C1orf146: variants seen among roughly 807,000 people sequenced by gnomAD.
C1orf146 encodes chromosome 1 open reading frame 146.
Under a neutral mutation model 23.0 loss-of-function variants are expected in C1orf146, and 22 were observed. The ratio of observed to expected loss-of-function variants is 0.96; its 90% CI spans 0.68 to 1.36. C1orf146 has a LOEUF of 1.36. Among genes scored for constraint, C1orf146 ranks in the 40% most tolerant of loss-of-function variants. The pLI, the probability that C1orf146 is intolerant of heterozygous loss-of-function variation, is 0.00. For missense variants in C1orf146, 199 were observed against 206.8 expected (o/e 0.96, Z 0.23); for synonymous variants, 59 against 65.3 (o/e 0.90, Z 0.47).
At chr1:92,227,911 C>G (rs1570788352) in intron 1 of C1orf146, among the ~76,000 whole-genome samples, 2 of 151,814 alleles carry the variant, frequency 1.3e-5, no homozygotes, top group African/African-American at 4.8e-5. Flanking sequence ...GCTCTTGAAC[C>G]TACAACTTGA....
intron 3 of C1orf146, among the ~76,000 whole-genome samples, chr1:92,243,349 CTTTT>C (rs1268188118): frequency 2.0e-5 from 3 of 151,826 alleles, no homozygotes; most frequent in African/African-American, 7.3e-5. Flanking sequence ...TTATATAATT[CTTTT>C]TTTTATTTTT....
chr1:92,238,496 T>C (rs1478569495), intron 2 of C1orf146, among the ~76,000 whole-genome samples: 5 of 152,226 alleles, frequency 3.3e-5, no homozygotes, highest in Non-Finnish European at 5.9e-5. Flanking sequence ...ATAGGACTAA[T>C]ATTCTATGAA....
intron 1 of C1orf146, chr1:92,229,150 C>T: frequency 3.8e-6 from 2 of 524,194 alleles, no homozygotes; most frequent in Non-Finnish European, 7.6e-6. Context: ...TCTCGGGGTG[C>T]AATGATCTTG....
At chr1:92,237,094 C>T (rs1474404892) in intron 2 of C1orf146, among the ~76,000 whole-genome samples, 1 of 152,162 alleles carries the variant, frequency 6.6e-6, no homozygotes, top group Non-Finnish European at 1.5e-5. Context: ...CTGAAGCCTT[C>T]TTCTCTCAAC....
At chr1:92,234,817 A>G (rs1394202925) in intron 2 of C1orf146, among the ~76,000 whole-genome samples, 3 of 152,132 alleles carry the variant, frequency 2.0e-5, no homozygotes, top group Non-Finnish European at 2.9e-5. Flanking sequence ...CAGAGATTCA[A>G]CTTCTTCCTG....
At chr1:92,229,203 A>G in intron 1 of C1orf146, 2 of 543,824 alleles carry the variant, frequency 3.7e-6, no homozygotes, top group Non-Finnish European at 7.4e-6. Context: ...TGCCTTCTGC[A>G]TCCTGTTGGT....
intron 5 of C1orf146, among the ~76,000 whole-genome samples, chr1:92,245,268 A>G (rs1034119035): frequency 6.6e-6 from 1 of 152,144 alleles, no homozygotes; most frequent in African/African-American, 2.4e-5. Context: ...CCAACCCCCT[A>G]GGCAGACTTA....
At chr1:92,242,442 A>AG (rs1652454486) in intron 3 of C1orf146, 137 bp downstream of exon 3, 2 of 325,042 alleles carry the variant, frequency 6.2e-6, no homozygotes, top group African/African-American at 1.7e-4. Context: ...TTACTACTAC[A>AG]AACAGTCCAT....
Position 92,221,636 on chromosome 1 carries a change from C to A in C1orf146, c.-40+3588C>A, listed in dbSNP as rs1651819660. 2.0e-5 allele frequency among the ~76,000 whole-genome samples: 3 copies of A among 152,152 alleles called. No homozygotes were observed. The South Asian group carries it at 6.2e-4, about 32-fold the overall frequency. On this transcript the variant is annotated intron_variant, in intron 1 of 5. Transcript: ENST00000370375. ...TTGGAAAATAATTGGGATGTGGTAA[C>A]TTCTGGGACCTTTTTCAGTGAATAT...
At chr1:92,226,370 G>A (rs77393760) in intron 1 of C1orf146, among the ~76,000 whole-genome samples, 2,111 of 151,268 alleles carry the variant, frequency 0.014, 51 homozygotes, top group African/African-American at 0.048. Flanking sequence ...ATTTCCTCCC[G>A]ATATACTCAC....
chr1:92,228,120 T>C (rs1025067320), intron 1 of C1orf146, among the ~76,000 whole-genome samples: 4 of 152,230 alleles, frequency 2.6e-5, no homozygotes, highest in African/African-American at 9.6e-5. Flanking sequence ...GTCTGGATAT[T>C]TTCCTCTGAC....
At chr1:92,220,743 TCTAA>T (rs2100724038) in intron 1 of C1orf146, among the ~76,000 whole-genome samples, 1 of 152,346 alleles carries the variant, frequency 6.6e-6, no homozygotes, top group African/African-American at 2.4e-5. Flanking sequence ...GACCGCCAAT[TCTAA>T]CTATGGACCA....
chr1:92,235,653 C>T (rs960271010), intron 2 of C1orf146, among the ~76,000 whole-genome samples: 4 of 151,972 alleles, frequency 2.6e-5, no homozygotes, highest in South Asian at 2.1e-4. Flanking sequence ...GAGTTCAATT[C>T]CTGGGTATCC....
intron 2 of C1orf146, among the ~76,000 whole-genome samples, chr1:92,233,632 T>TC (rs1652190785): frequency 6.6e-6 from 1 of 152,184 alleles, no homozygotes; most frequent in Non-Finnish European, 1.5e-5. Flanking sequence ...AGTAGTTTTT[T>TC]CCAATTCTGT....
chr1:92,232,670 T>C (rs1045328071), intron 2 of C1orf146, among the ~76,000 whole-genome samples: 11 of 151,900 alleles, frequency 7.2e-5, no homozygotes, highest in Admixed American at 5.2e-4. Context: ...TCTAGATCCC[T>C]GAGGAATCAC....
At chr1:92,236,435 C>T (rs2100742677) in intron 2 of C1orf146, among the ~76,000 whole-genome samples, 1 of 152,216 alleles carries the variant, frequency 6.6e-6, no homozygotes, top group Middle Eastern at 3.4e-3. Flanking sequence ...CGAATATTGG[C>T]CCCCACTCTC....
chr1:92,222,383 C>A (rs2100725856), intron 1 of C1orf146, among the ~76,000 whole-genome samples: 1 of 122,848 alleles, frequency 8.1e-6, no homozygotes, highest in Non-Finnish European at 1.7e-5. Flanking sequence ...ACATATATAA[C>A]ATGCATGTAT....
chr1:92,233,019 AGAT>A (rs1261813221), intron 2 of C1orf146, among the ~76,000 whole-genome samples: 2 of 152,130 alleles, frequency 1.3e-5, no homozygotes, highest in Non-Finnish European at 2.9e-5. Flanking sequence ...GCCCTTTGTC[AGAT>A]GAGTAGGTTG....
chr1:92,244,888 CACAT>C (rs1434805481), intron 5 of C1orf146, 31 bp downstream of exon 5: 6 of 1,263,668 alleles, frequency 4.7e-6, no homozygotes, highest in East Asian at 2.3e-5. Context: ...GACACATACA[CACAT>C]ACATTTTAAG....
Sources: allele counts gnomAD v4.1 joint callset (sites outside exome capture counted in the v4.1 genomes callset), GRCh38; gene constraint gnomAD v4.1.1; transcripts MANE v1.5; gene names NCBI Gene and HGNC (gene_info 2026-07-23, HGNC 2026-07-21).